The following ZNF804A variants were observed in gnomAD, a reference collection of about 807,000 sequenced individuals.
The protein encoded by ZNF804A is zinc finger protein 804A.
A neutral mutation model predicts 16.5 loss-of-function variants in ZNF804A; 2 were observed. The ratio of observed to expected loss-of-function variants is 0.12; its 90% CI spans 0.05 to 0.38. The LOEUF (loss-of-function observed/expected upper bound fraction) is 0.38, where lower values mean the gene tolerates loss of function less well. Ranked by LOEUF, ZNF804A falls within the 10% of genes least tolerant of loss-of-function variation. The pLI is 0.99. For missense variants in ZNF804A, 1,473 were observed against 1,390.7 expected, an observed-to-expected ratio of 1.06 and a Z score of -0.94; for synonymous variants, 534 against 489.6, an observed-to-expected ratio of 1.09 and a Z score of -1.20.
chr2:184,888,798 A>T (rs1367392432), intron 2 of ZNF804A, among the ~76,000 whole-genome samples: 1 of 152,126 alleles, frequency 6.6e-6, no homozygotes, highest in Non-Finnish European at 1.5e-5. Flanking sequence ...ATGAGAGGGG[A>T]AGAGAATACC....
In ZNF804A at chr2:184,937,832, G is replaced by A. The variant is rs1209268000; in HGVS notation, c.2436G>A (p.Arg812=). Residue 812 remains arginine (R), a synonymous_variant, in exon 4 of 4, where the codon CGG becomes CGA. Coordinates refer to ENST00000302277, the MANE Select transcript of ZNF804A (RefSeq NM_194250.2). ...SVAPCKPKKK[R]RRKRGRFHPG... Reference sequence around the variant, plus strand: ...CTCCCTGCAAGCCTAAAAAGAAACGGAGGCGAAAAAGAGGCAGATTCCACC... The same window carrying A: ...CTCCCTGCAAGCCTAAAAAGAAACGAAGGCGAAAAAGAGGCAGATTCCACC... 4 of 1,613,918 alleles carry A rather than the reference G, an allele frequency of 2.5e-6. No individual in the cohort carries two copies. Among genetic ancestry groups the A allele is most frequent in the Non-Finnish European group, 3.4e-6 (4 of 1,179,990 alleles).
At chr2:184,886,190 G>A (rs183174334) in intron 2 of ZNF804A, among the ~76,000 whole-genome samples, 148 of 152,230 alleles carry the variant, frequency 9.7e-4, no homozygotes, top group Middle Eastern at 3.4e-3. Flanking sequence ...TACAAGGCCC[G>A]TGCAAATCTT....
At chr2:184,706,527 A>G (rs1693033577) in intron 1 of ZNF804A, among the ~76,000 whole-genome samples, 1 of 152,130 alleles carries the variant, frequency 6.6e-6, no homozygotes, top group African/African-American at 2.4e-5. Flanking sequence ...GCTGCTGATA[A>G]CTTTAAAATT....
intron 1 of ZNF804A, among the ~76,000 whole-genome samples, chr2:184,683,664 G>A (rs1442052320): frequency 1.3e-5 from 2 of 152,142 alleles, no homozygotes; most frequent in African/African-American, 2.4e-5. Flanking sequence ...AAGGTAGAGG[G>A]TGAGGGAAGT....
At chr2:184,883,703 C>G (rs1000174351) in intron 2 of ZNF804A, among the ~76,000 whole-genome samples, 1 of 152,054 alleles carries the variant, frequency 6.6e-6, no homozygotes, top group Middle Eastern at 3.4e-3. Flanking sequence ...TAAAAAAACA[C>G]ATGATCATCT....
At chr2:184,780,552 G>A (rs1157085073) in intron 1 of ZNF804A, among the ~76,000 whole-genome samples, 1 of 151,572 alleles carries the variant, frequency 6.6e-6, no homozygotes, top group Admixed American at 6.6e-5. Flanking sequence ...GATGGAGGGA[G>A]GTACATGAAA....
chr2:184,924,741 C>T (rs2105838467), intron 2 of ZNF804A, among the ~76,000 whole-genome samples: 1 of 151,710 alleles, frequency 6.6e-6, no homozygotes, highest in African/African-American at 2.4e-5. Flanking sequence ...TGTTACGTTT[C>T]CGTTATCATT....
intron 2 of ZNF804A, among the ~76,000 whole-genome samples, chr2:184,888,145 T>G (rs1684925842): frequency 6.6e-6 from 1 of 152,220 alleles, no homozygotes; most frequent in Non-Finnish European, 1.5e-5. Flanking sequence ...AATGAAAATT[T>G]AGAAAATTTT....
chr2:184,732,665 G>A (rs1349832104), intron 1 of ZNF804A, among the ~76,000 whole-genome samples: 1 of 152,034 alleles, frequency 6.6e-6, no homozygotes. Flanking sequence ...CATGAACATG[G>A]AATATATTTC....
chr2:184,635,117 A>T (rs1691675292), intron 1 of ZNF804A, among the ~76,000 whole-genome samples: 1 of 152,154 alleles, frequency 6.6e-6, no homozygotes, highest in Non-Finnish European at 1.5e-5. Context: ...AAGTACTTTC[A>T]CAAAGACCTA....
At chr2:184,762,530 C>G (rs77224444) in intron 1 of ZNF804A, among the ~76,000 whole-genome samples, 17,774 of 151,802 alleles carry the variant, frequency 0.12, 1,450 homozygotes, top group East Asian at 0.33. Context: ...TGCCTACTCT[C>G]TGTTACTTAT....
rs528611812 is a variant in ZNF804A at position 184,817,228 on chromosome 2, C to T, written c.112-49141C>T. ...GTCATCTTTGCTGTTTCAGTCTCCA[C>T]TGGTGATATCTGGAGGTAAGGGATA... On this transcript the variant is annotated intron_variant, in intron 1 of 3. Transcript: ENST00000302277. Among the ~76,000 whole-genome samples the T allele has an allele frequency of 3.9e-5, 6 of 151,946 alleles. 1 individual carries two copies. In the South Asian group the frequency reaches 8.3e-4, roughly 21 times the overall value.
intron 1 of ZNF804A, among the ~76,000 whole-genome samples, chr2:184,621,386 T>C (rs1691417203): frequency 1.3e-5 from 2 of 151,848 alleles, no homozygotes; most frequent in East Asian, 3.9e-4. Context: ...TATTTGTATA[T>C]AGCTATATAT....
At chr2:184,782,660 T>G (rs1186097312) in intron 1 of ZNF804A, among the ~76,000 whole-genome samples, 2 of 149,392 alleles carry the variant, frequency 1.3e-5, no homozygotes, top group African/African-American at 4.9e-5. Context: ...AGCATATATA[T>G]ATATGCTTAA....
At chr2:184,602,466 A>AT (rs1459370247) in intron 1 of ZNF804A, among the ~76,000 whole-genome samples, 1 of 151,890 alleles carries the variant, frequency 6.6e-6, no homozygotes, top group African/African-American at 2.4e-5. Flanking sequence ...TTTTATTTAG[A>AT]TTTTCCCAGT....
intron 1 of ZNF804A, among the ~76,000 whole-genome samples, chr2:184,792,017 G>A (rs150479975): frequency 1.3e-5 from 2 of 152,036 alleles, no homozygotes; most frequent in African/African-American, 4.8e-5. Context: ...TCCTCTTAGT[G>A]CTGATTAACA....
At chr2:184,722,676 C>T (rs1375211086) in intron 1 of ZNF804A, among the ~76,000 whole-genome samples, 1 of 151,954 alleles carries the variant, frequency 6.6e-6, no homozygotes, top group African/African-American at 2.4e-5. Flanking sequence ...AAAGTTATAA[C>T]TTATGGTTTG....
intron 2 of ZNF804A, among the ~76,000 whole-genome samples, chr2:184,874,115 C>A (rs1040830470): frequency 6.6e-6 from 1 of 151,902 alleles, no homozygotes; most frequent in Non-Finnish European, 1.5e-5. Context: ...AAGACTACAC[C>A]TTTTTTATAT....
chr2:184,672,500 T>A (rs1189789676), intron 1 of ZNF804A, among the ~76,000 whole-genome samples: 2 of 152,342 alleles, frequency 1.3e-5, no homozygotes, highest in East Asian at 3.9e-4. Flanking sequence ...CCTAACAACA[T>A]CACTGACCTT....
Sources: allele counts gnomAD v4.1 joint callset (sites outside exome capture counted in the v4.1 genomes callset), GRCh38; gene constraint gnomAD v4.1.1; transcripts MANE v1.5; gene names NCBI Gene and HGNC (gene_info 2026-07-23, HGNC 2026-07-21).